Variants in KCND2 observed in about 807,000 individuals in gnomAD.
KCND2 encodes the protein A-type voltage-gated potassium channel KCND2.
In KCND2, 16 loss-of-function variants were observed where a neutral mutation model predicts 54.4. That is an observed-to-expected ratio of 0.29 (90% CI 0.20 to 0.45). KCND2 has a LOEUF of 0.45. Among genes scored for constraint, KCND2 ranks in the 20% least tolerant of loss-of-function variants. The pLI, the probability that KCND2 is intolerant of heterozygous loss-of-function variation, is 1.00. For synonymous variants in KCND2, 317 were observed against 310.7 expected (o/e 1.02, Z -0.21); for missense variants, 486 against 824.2 (o/e 0.59, Z 5.02).
chr7:120,374,496 A>G (rs1306345823), intron 1 of KCND2, among the ~76,000 whole-genome samples: 1 of 151,774 alleles, frequency 6.6e-6, no homozygotes, highest in Non-Finnish European at 1.5e-5. Flanking sequence ...GAATTACTTC[A>G]AGTACCTCCA....
At chr7:120,605,681 A>G (rs1340921736) in intron 1 of KCND2, among the ~76,000 whole-genome samples, 1 of 152,164 alleles carries the variant, frequency 6.6e-6, no homozygotes, top group African/African-American at 2.4e-5. Flanking sequence ...CTACAATTCT[A>G]CCAGCAATGT....
chr7:120,555,997 C>G (rs1288378909), intron 1 of KCND2, among the ~76,000 whole-genome samples: 1 of 152,074 alleles, frequency 6.6e-6, no homozygotes, highest in African/African-American at 2.4e-5. Flanking sequence ...CTGAGAAAAA[C>G]AGTATTAGAA....
At chr7:120,355,521 C>G (rs142629188) in intron 1 of KCND2, among the ~76,000 whole-genome samples, 3 of 151,888 alleles carry the variant, frequency 2.0e-5, no homozygotes, top group Admixed American at 6.6e-5. Flanking sequence ...GCACTTCAGC[C>G]TGAGTGACAG....
chr7:120,674,575 G>GCTATATTCT (rs1171326081), intron 1 of KCND2, among the ~76,000 whole-genome samples: 1 of 152,206 alleles, frequency 6.6e-6, no homozygotes, highest in African/African-American at 2.4e-5. Context: ...AGTAGACACA[G>GCTATATTCT]CTATATTCTG....
At chr7:120,564,199 T>C (rs747905184) in intron 1 of KCND2, among the ~76,000 whole-genome samples, 16 of 152,182 alleles carry the variant, frequency 1.1e-4, no homozygotes, top group South Asian at 4.1e-4. Flanking sequence ...TTTTAATATA[T>C]GCTATATTGT....
At chr7:120,608,312 C>T (rs533109707) in intron 1 of KCND2, among the ~76,000 whole-genome samples, 18 of 151,780 alleles carry the variant, frequency 1.2e-4, no homozygotes, top group Non-Finnish European at 2.2e-4. Context: ...GTTCTTAGAA[C>T]CAATAATTTT....
At chr7:120,613,532 G>A (rs533891990) in intron 1 of KCND2, among the ~76,000 whole-genome samples, 1 of 151,934 alleles carries the variant, frequency 6.6e-6, no homozygotes, top group African/African-American at 2.4e-5. Flanking sequence ...CTCCATCTTG[G>A]GGGGGAAGAA....
At chr7:120,373,263 GGTA>G (rs1364973624) in intron 1 of KCND2, among the ~76,000 whole-genome samples, 1 of 151,728 alleles carries the variant, frequency 6.6e-6, no homozygotes, top group African/African-American at 2.4e-5. Context: ...CCATAAATAA[GGTA>G]GTAGAATACA....
intron 1 of KCND2, among the ~76,000 whole-genome samples, chr7:120,536,459 A>G (rs140788431): frequency 6.6e-6 from 1 of 152,114 alleles, no homozygotes; most frequent in Non-Finnish European, 1.5e-5. Context: ...TGATTTCCCT[A>G]ATAGCGTGTG....
At chr7:120,590,446 G>A (rs1233439472) in intron 1 of KCND2, among the ~76,000 whole-genome samples, 1 of 152,122 alleles carries the variant, frequency 6.6e-6, no homozygotes, top group African/African-American at 2.4e-5. Context: ...AAGTCTGATT[G>A]TGGCAAATAA....
chr7:120,402,908 A>C (rs759501523), intron 1 of KCND2, among the ~76,000 whole-genome samples: 1 of 152,208 alleles, frequency 6.6e-6, no homozygotes, highest in Non-Finnish European at 1.5e-5. Flanking sequence ...GAGTGACAGA[A>C]TAGATATTCA....
intron 1 of KCND2, among the ~76,000 whole-genome samples, chr7:120,673,898 CTCTTT>C (rs1792024886): frequency 6.7e-6 from 1 of 150,178 alleles, no homozygotes; most frequent in South Asian, 2.1e-4. Context: ...CATTACCTGC[CTCTTT>C]TATTTATTTT....
chr7:120,625,530 A>G (rs1434871145), intron 1 of KCND2, among the ~76,000 whole-genome samples: 1 of 152,188 alleles, frequency 6.6e-6, no homozygotes, highest in Non-Finnish European at 1.5e-5. Context: ...AAAATCTGAG[A>G]TAGAGTAATT....
At chr7:120,594,776 C>T (rs1383183116) in intron 1 of KCND2, among the ~76,000 whole-genome samples, 1 of 152,166 alleles carries the variant, frequency 6.6e-6, no homozygotes, top group Non-Finnish European at 1.5e-5. Context: ...AATCCCAGCA[C>T]TTTGGGAGGC....
At chr7:120,541,937 T>C (rs1442699638) in intron 1 of KCND2, among the ~76,000 whole-genome samples, 1 of 152,216 alleles carries the variant, frequency 6.6e-6, no homozygotes, top group Non-Finnish European at 1.5e-5. Flanking sequence ...GAATAAATCA[T>C]TATAATGTTC....
chr7:120,711,266 T>C (rs1792533809), intron 1 of KCND2, among the ~76,000 whole-genome samples: 1 of 152,142 alleles, frequency 6.6e-6, no homozygotes, highest in Admixed American at 6.6e-5. Flanking sequence ...ACAGATTTCA[T>C]CAGTACAGTC....
At chr7:120,594,617 T>G (rs1400517240) in intron 1 of KCND2, among the ~76,000 whole-genome samples, 3 of 152,206 alleles carry the variant, frequency 2.0e-5, no homozygotes, top group Non-Finnish European at 4.4e-5. Context: ...GCATACAGAT[T>G]GGCATTGGGA....
At chr7:120,686,975 C>T (rs760318560) in intron 1 of KCND2, among the ~76,000 whole-genome samples, 5 of 152,118 alleles carry the variant, frequency 3.3e-5, no homozygotes, top group African/African-American at 4.8e-5. Context: ...GATAGCATAA[C>T]AACCACCTGA....
At chr7:120,714,625 G>T (rs1468233853) in intron 1 of KCND2, among the ~76,000 whole-genome samples, 9 of 151,840 alleles carry the variant, frequency 5.9e-5, no homozygotes, top group Non-Finnish European at 1.3e-4. Context: ...CCTTCCCCTG[G>T]GGTGACAATG....
Sources: allele counts gnomAD v4.1 joint callset (sites outside exome capture counted in the v4.1 genomes callset), GRCh38; gene constraint gnomAD v4.1.1; transcripts MANE v1.5; gene names NCBI Gene and HGNC (gene_info 2026-07-23, HGNC 2026-07-21).